RAB31: variants seen among roughly 807,000 people sequenced by gnomAD.
RAB31 encodes the protein RAB31, member RAS oncogene family.
In RAB31, 21 loss-of-function variants were observed where a neutral mutation model predicts 25.6. The ratio of observed to expected loss-of-function variants is 0.82; its 90% CI spans 0.58 to 1.18. The LOEUF is 1.18. Ranked by LOEUF, RAB31 falls within the 50% of genes most tolerant of loss-of-function variation. RAB31 has a pLI of 0.00. For synonymous variants in RAB31, 87 were observed against 84.0 expected (o/e 1.04, Z -0.20); for missense variants, 196 against 250.1 (o/e 0.78, Z 1.46).
chr18:9,825,841 C>A (rs907791541), intron 5 of RAB31, among the ~76,000 whole-genome samples: 8 of 152,110 alleles, frequency 5.3e-5, no homozygotes, highest in African/African-American at 1.7e-4. Context: ...AATCCAGGAA[C>A]AGAAAATCAA....
rs139524528 is a variant in RAB31, at chr18:9,820,503, A to G, written c.380+5281A>G. ...TTTGTCTGGCCTTGGTATCAGGGCA[A>G]TAACAGTCTTGCAGAATGAGTTGAT... On this transcript the variant is annotated intron_variant, in intron 5 of 6. Coordinates refer to ENST00000578921, the MANE Select transcript of RAB31 (RefSeq NM_006868.4). 2.0e-4 allele frequency among the ~76,000 whole-genome samples: 31 copies of G among 152,144 alleles called. No homozygotes were observed. In the East Asian group the frequency reaches 5.8e-3, roughly 28 times the overall value.
chr18:9,818,786 T>C (rs2068611698), intron 5 of RAB31, among the ~76,000 whole-genome samples: 1 of 152,238 alleles, frequency 6.6e-6, no homozygotes, highest in Non-Finnish European at 1.5e-5. Flanking sequence ...CTGCAAGATA[T>C]CCACATCCTC....
At chr18:9,820,989 C>T (rs1169899763) in intron 5 of RAB31, among the ~76,000 whole-genome samples, 4 of 151,926 alleles carry the variant, frequency 2.6e-5, no homozygotes, top group South Asian at 2.1e-4. Flanking sequence ...CATATTTATT[C>T]GAGATCTCTT....
chr18:9,838,151 T>C (rs1282498449), intron 5 of RAB31, among the ~76,000 whole-genome samples: 1 of 152,156 alleles, frequency 6.6e-6, no homozygotes, highest in Non-Finnish European at 1.5e-5. Context: ...TGAACATTGC[T>C]GTAAAATGTC....
At chr18:9,802,721 A>G (rs2068520250) in intron 3 of RAB31, among the ~76,000 whole-genome samples, 1 of 152,244 alleles carries the variant, frequency 6.6e-6, no homozygotes, top group Non-Finnish European at 1.5e-5. Context: ...TTTGGAGATC[A>G]TGTGCCCAGA....
Position 9,708,663 on chromosome 18 carries a change from C to T in RAB31, c.39+219C>T, listed in dbSNP as rs1364179710. 1.3e-5 allele frequency among the ~76,000 whole-genome samples: 2 copies of T among 151,630 alleles called. No individual in the cohort carries two copies. The highest frequency in any genetic ancestry group is 6.6e-5 in the Admixed American group (1 of 15,240). On this transcript the variant is annotated intron_variant, in intron 1 of 6. Transcript: ENST00000578921. This position sits in a 1 kb window ranked among gnomAD's most constrained non-coding sequence, Gnocchi z 6.4. ...TCTCCGCGCCCCTCGCTCTCCGCAC[C>T]CCGCCTGTTCTCCGCCTCCCCGCCG...
rs2068493142 is a variant in RAB31, at chr18:9,797,553, C to T, written c.201+5318C>T. On this transcript the variant is annotated intron_variant, in intron 3 of 6. Coordinates refer to ENST00000578921, the MANE Select transcript of RAB31 (RefSeq NM_006868.4). The stretch of plus-strand genomic sequence containing the variant: ...ACATTAAGTAACTTGCACAATGTCG[C>T]AGAGCTAATAAGGTGTAAAGCTGAA... The T allele has an allele frequency of 2.0e-5, 3 of 152,150 alleles. No homozygotes were observed. In the South Asian group the frequency reaches 6.2e-4, roughly 32 times the overall value. The allele number at this position is 152,150 out of a possible 1,614,324, so 9.4% of individuals were successfully genotyped here.
chr18:9,820,623 C>T (rs753310302), intron 5 of RAB31, among the ~76,000 whole-genome samples: 4 of 152,006 alleles, frequency 2.6e-5, no homozygotes, highest in Non-Finnish European at 4.4e-5. Context: ...TCCATGATGT[C>T]AGTTCTTTAA....
chr18:9,788,350 C>G (rs1217798863), intron 2 of RAB31, among the ~76,000 whole-genome samples: 1 of 152,214 alleles, frequency 6.6e-6, no homozygotes, highest in African/African-American at 2.4e-5. Context: ...AAGATATCAT[C>G]TCTCTCCAGT....
intron 1 of RAB31, among the ~76,000 whole-genome samples, chr18:9,761,074 T>C (rs1040426729): frequency 6.6e-6 from 1 of 152,212 alleles, no homozygotes; most frequent in Non-Finnish European, 1.5e-5. Context: ...CTGCATTTCA[T>C]GGTAGCTCTG....
At chr18:9,713,687 G>A (rs1378570958) in intron 1 of RAB31, among the ~76,000 whole-genome samples, 6 of 152,128 alleles carry the variant, frequency 3.9e-5, no homozygotes, top group African/African-American at 1.4e-4. Flanking sequence ...CATCCCTTAT[G>A]TCTTAATTTG....
At chr18:9,813,898 T>A (rs2068587761) in intron 3 of RAB31, 122 bp from the exon 4 acceptor site, 1 of 528,698 alleles carries the variant, frequency 1.9e-6, no homozygotes, top group Non-Finnish European at 3.3e-6. Context: ...CATGGAAAAA[T>A]TATATAGGGA....
intron 5 of RAB31, among the ~76,000 whole-genome samples, chr18:9,823,941 C>G (rs890396000): frequency 6.6e-6 from 1 of 152,134 alleles, no homozygotes; most frequent in African/African-American, 2.4e-5. Flanking sequence ...TAGTGGGCAC[C>G]GGCTTGTTGA....
intron 3 of RAB31, among the ~76,000 whole-genome samples, chr18:9,799,105 T>C (rs556211821): frequency 6.6e-6 from 1 of 152,166 alleles, no homozygotes; most frequent in Admixed American, 6.5e-5. Context: ...TTGTTAGAGA[T>C]GAGGTCTTGC....
At chr18:9,823,322 C>T (rs1442201252) in intron 5 of RAB31, among the ~76,000 whole-genome samples, 3 of 152,076 alleles carry the variant, frequency 2.0e-5, no homozygotes, top group Admixed American at 2.0e-4. Flanking sequence ...GGTGTCGGCA[C>T]TGCTTGGTAT....
At chr18:9,734,991 C>T in intron 1 of RAB31, 1 of 220,790 alleles carries the variant, frequency 4.5e-6, no homozygotes, top group South Asian at 5.5e-5. Flanking sequence ...TTGGTGGTGG[C>T]GGTGGTTTTT....
intron 1 of RAB31, among the ~76,000 whole-genome samples, chr18:9,774,319 C>G (rs78022996): frequency 3.3e-5 from 5 of 152,132 alleles, no homozygotes; most frequent in African/African-American, 1.2e-4. Flanking sequence ...CAGCTCCGTC[C>G]GATGCAGGCT....
At chr18:9,803,519 C>G (rs2068524519) in intron 3 of RAB31, among the ~76,000 whole-genome samples, 1 of 152,126 alleles carries the variant, frequency 6.6e-6, no homozygotes, top group Admixed American at 6.5e-5. Flanking sequence ...TTCCCTTCCT[C>G]CATGCCCCTA....
chr18:9,775,432 G>T, intron 2 of RAB31, 75 bp downstream of exon 2: 1 of 1,591,352 alleles, frequency 6.3e-7, no homozygotes, highest in South Asian at 1.1e-5. Flanking sequence ...GTCTGTGCCT[G>T]AGCCTTCAGG....
Sources: gnomAD v4.1 joint callset for allele counts (sites outside exome capture counted in the v4.1 genomes callset) on GRCh38, gnomAD v4.1.1 for gene constraint, Gnocchi (gnomAD v3.1) non-coding constraint, MANE v1.5 for transcripts, NCBI Gene and HGNC (gene_info 2026-07-23, HGNC 2026-07-21) for gene names.